The following DDR2 variants were observed in gnomAD, a reference collection of about 807,000 sequenced individuals.
The protein encoded by DDR2 is discoidin domain-containing receptor 2.
Under a neutral mutation model 94.9 loss-of-function variants are expected in DDR2, and 27 were observed. The ratio of observed to expected loss-of-function variants is 0.28; its 90% CI spans 0.21 to 0.39. The LOEUF is 0.39. DDR2 is among the 10% of genes least tolerant of loss of function. The pLI is 1.00. For missense variants in DDR2, 783 were observed against 1,076.0 expected (o/e 0.73, Z 3.81); for synonymous variants, 382 against 377.2 (o/e 1.01, Z -0.15).
At chr1:162,719,760 C>A (rs1661336026) in intron 3 of DDR2, among the ~76,000 whole-genome samples, 1 of 152,136 alleles carries the variant, frequency 6.6e-6, no homozygotes, top group African/African-American at 2.4e-5. Flanking sequence ...CTATCCAAAG[C>A]TCAATGTCTT....
rs575359258 is a variant in DDR2 at position 162,719,054 on chromosome 1, A to G, written c.-10A>G. 196 of 1,613,824 alleles carry G rather than the reference A, an allele frequency of 1.2e-4. No homozygotes were observed. In the South Asian group the frequency reaches 2.1e-3, roughly 17 times the overall value. ...GGTGGCAGACTCCAGTTCCAACACC[A>G]TCTTCTGAGATGATCCTGATTCCCA... On this transcript the variant is annotated 5_prime_UTR_variant, in exon 3 of 18. Transcript: ENST00000367921.
Position 162,772,188 on chromosome 1 carries a change from G to A in DDR2, c.1669G>A (p.Glu557Lys), listed in dbSNP as rs1206810975. Residue 557 changes from glutamate to lysine, a missense_variant, in exon 13 of 18, where the codon GAG becomes AAG. This residue lies in a region of DDR2 where 264 missense variants were observed against 428.2 expected (regional missense o/e 0.62). Coordinates refer to ENST00000367921, the MANE Select transcript of DDR2 (RefSeq NM_006182.4). Reference protein sequence around the residue: ...LLSGKDVAVEEFPRKLLTFKE... With the variant: ...LLSGKDVAVEKFPRKLLTFKE... Reference sequence around the variant, plus strand: ...CTCAGGAAAAGATGTGGCTGTGGAGGAGTTCCCCAGGAAACTCCTAACTTT... The same window carrying A: ...CTCAGGAAAAGATGTGGCTGTGGAGAAGTTCCCCAGGAAACTCCTAACTTT... The A allele has an allele frequency of 1.2e-6, 2 of 1,614,124 alleles. No homozygotes were observed. Among genetic ancestry groups the A allele is most frequent in the South Asian group, 1.1e-5 (1 of 91,086 alleles).
chr1:162,726,951 T>C (rs1300319963), intron 3 of DDR2, among the ~76,000 whole-genome samples: 3 of 151,210 alleles, frequency 2.0e-5, no homozygotes, highest in Admixed American at 6.6e-5. Context: ...ACATACAATA[T>C]AGCGATATAA....
intron 2 of DDR2, among the ~76,000 whole-genome samples, chr1:162,671,172 G>A (rs1252797171): frequency 6.6e-6 from 1 of 152,036 alleles, no homozygotes; most frequent in African/African-American, 2.4e-5. Flanking sequence ...TGGGGGCAGT[G>A]GTCGGGAGAG....
At chr1:162,660,766 T>C (rs539885924) in intron 2 of DDR2, among the ~76,000 whole-genome samples, 4 of 152,326 alleles carry the variant, frequency 2.6e-5, no homozygotes, top group African/African-American at 9.6e-5. Flanking sequence ...GGCCTGCTGG[T>C]GGCATCCAGC....
At chr1:162,692,011 C>G (rs189155092) in intron 2 of DDR2, among the ~76,000 whole-genome samples, 212 of 152,326 alleles carry the variant, frequency 1.4e-3, no homozygotes, top group Non-Finnish European at 2.4e-3. Flanking sequence ...ATCCTCAGTG[C>G]CTTCAGGTCA....
At chr1:162,761,977 C>A (rs977647384) in intron 9 of DDR2, among the ~76,000 whole-genome samples, 10 of 152,266 alleles carry the variant, frequency 6.6e-5, no homozygotes, top group African/African-American at 1.9e-4. Context: ...AAAATAGCAT[C>A]ATTTTCATAG....
chr1:162,695,974 A>C (rs371368961), intron 2 of DDR2, among the ~76,000 whole-genome samples: 1 of 152,150 alleles, frequency 6.6e-6, no homozygotes. Context: ...AAAATGTGCA[A>C]GGCTACTAAC....
chr1:162,726,703 C>T (rs1661684401), intron 3 of DDR2, among the ~76,000 whole-genome samples: 1 of 152,118 alleles, frequency 6.6e-6, no homozygotes, highest in African/African-American at 2.4e-5. Context: ...TCAGTTTTCA[C>T]AACCACCTGC....
chr1:162,713,703 G>A (rs1410208307), intron 2 of DDR2, among the ~76,000 whole-genome samples: 2 of 151,970 alleles, frequency 1.3e-5, no homozygotes, highest in Non-Finnish European at 1.5e-5. Flanking sequence ...CTATTGCATA[G>A]CATTTCACAG....
intron 2 of DDR2, among the ~76,000 whole-genome samples, chr1:162,675,786 G>T (rs943583070): frequency 2.0e-5 from 3 of 152,170 alleles, no homozygotes; most frequent in Non-Finnish European, 4.4e-5. Flanking sequence ...AAAAATCCCT[G>T]TGGCTGCAGA....
chr1:162,751,390 G>GA (rs557402144), intron 3 of DDR2, among the ~76,000 whole-genome samples: 1,669 of 152,260 alleles, frequency 0.011, 34 homozygotes, highest in African/African-American at 0.038. Flanking sequence ...ACAGATACAT[G>GA]AAAAAATGCT....
At chr1:162,641,537 G>A (rs1657126933) in intron 1 of DDR2, among the ~76,000 whole-genome samples, 2 of 152,166 alleles carry the variant, frequency 1.3e-5, no homozygotes, top group East Asian at 1.9e-4. Flanking sequence ...TCACCTTATA[G>A]CATTAACCCA....
At chr1:162,766,971 G>A (rs1205873874) in intron 10 of DDR2, among the ~76,000 whole-genome samples, 1 of 150,040 alleles carries the variant, frequency 6.7e-6, no homozygotes, top group African/African-American at 2.4e-5. Context: ...GGAGGTTTCA[G>A]TGAGCCAAGA....
chr1:162,689,048 G>A (rs1293693798), intron 2 of DDR2, among the ~76,000 whole-genome samples: 1 of 152,232 alleles, frequency 6.6e-6, no homozygotes, highest in African/African-American at 2.4e-5. Context: ...TGGTTGACAT[G>A]GAGCTTGGTT....
intron 3 of DDR2, among the ~76,000 whole-genome samples, chr1:162,736,541 G>C (rs1347787153): frequency 6.6e-6 from 1 of 152,156 alleles, no homozygotes; most frequent in Non-Finnish European, 1.5e-5. Flanking sequence ...ATGAAATATT[G>C]GGTGGAAAAT....
rs201573606 is a variant in DDR2 at position 162,755,246 on chromosome 1, A to T, written c.508A>T (p.Thr170Ser). 1.7e-4 allele frequency: 281 copies of T among 1,613,940 alleles called. No individual in the cohort carries two copies. The highest frequency in any genetic ancestry group is 1.6e-3 in the Admixed American group (98 of 60,014). ...VARFVRFIPV[T>S]DHSMNVCMRV... ...CAGATTTGTCCGGTTCATTCCAGTC[A>T]CCGACCACTCCATGAATGTGTGTAT... The change falls in exon 6 of 18, where the codon ACC (threonine) becomes TCC (serine). Residue 170 changes from threonine to serine, a missense_variant. Physicochemically the swap from Thr to Ser is moderately conservative, Grantham distance 58. Transcript: ENST00000367921.
At chr1:162,725,664 A>G (rs1011582257) in intron 3 of DDR2, among the ~76,000 whole-genome samples, 1 of 152,162 alleles carries the variant, frequency 6.6e-6, no homozygotes, top group African/African-American at 2.4e-5. Context: ...CCCGGCCACA[A>G]GCATGCTCTT....
At position 162,703,526 on chromosome 1, in the gene DDR2, C is replaced by T. The variant is rs192876352; in HGVS notation, c.-27-15511C>T. ...AAATAGGACACAAACCTCCAATTGG[C>T]TTAAGTTCCTGAGGTAGAAGAGATT... On this transcript the variant is annotated intron_variant, in intron 2 of 17. Coordinates refer to ENST00000367921, the MANE Select transcript of DDR2 (RefSeq NM_006182.4). Among the ~76,000 whole-genome samples the T allele has an allele frequency of 5.9e-5, 9 of 152,212 alleles. 1 individual carries two copies. In the East Asian group the frequency reaches 1.5e-3, roughly 26 times the overall value.
Sources: gnomAD v4.1 joint callset for allele counts (sites outside exome capture counted in the v4.1 genomes callset) on GRCh38, gnomAD v4.1.1 for gene constraint, gnomAD v4.1.1 regional missense constraint, MANE v1.5 for transcripts, NCBI Gene and HGNC (gene_info 2026-07-23, HGNC 2026-07-21) for gene names.